CELF2: variants seen among roughly 807,000 people sequenced by gnomAD.
CELF2 encodes CUG triplet repeat RNA-binding protein 2.
CELF2 carries 8 observed loss-of-function variants against 62.6 expected under a neutral mutation model. The observed-to-expected ratio is 0.13, with a 90% CI of 0.07 to 0.23. The LOEUF (loss-of-function observed/expected upper bound fraction) is 0.23, where lower values mean the gene tolerates loss of function less well. Among genes scored for constraint, CELF2 ranks in the 10% least tolerant of loss-of-function variants. The pLI is 1.00. For synonymous variants in CELF2, 258 were observed against 250.0 expected (o/e 1.03, Z -0.30); for missense variants, 333 against 671.0 (o/e 0.50, Z 5.56).
intron 1 of CELF2, among the ~76,000 whole-genome samples, chr10:11,035,337 A>C (rs776866070): frequency 6.6e-6 from 1 of 152,216 alleles, no homozygotes; most frequent in Non-Finnish European, 1.5e-5. Context: ...ATGTCTCTCT[A>C]CACCCTTCCC....
Position 11,242,490 on chromosome 10 carries a change from C to A in CELF2, c.355-6663C>A, listed in dbSNP as rs971178659. Among the ~76,000 whole-genome samples the A allele has an allele frequency of 3.9e-5, 6 of 152,122 alleles. No individual in the cohort carries two copies. The highest frequency in any genetic ancestry group is 1.4e-4 in the African/African-American group (6 of 41,410). ...CCCCACGAGGTTGTGTCCATAGTGGCGACTCTGGAGAGTATAGCTGCTGGG... is the reference window on the plus strand; with the variant it reads ...CCCCACGAGGTTGTGTCCATAGTGGAGACTCTGGAGAGTATAGCTGCTGGG... On this transcript the variant is annotated intron_variant, in intron 3 of 12. Coordinates refer to ENST00000633077, the MANE Select transcript of CELF2 (RefSeq NM_001326342.2). This position sits in a 1 kb window ranked among gnomAD's most constrained non-coding sequence, Gnocchi z 4.8.
intron 2 of CELF2, among the ~76,000 whole-genome samples, chr10:10,996,214 A>G (rs1395683577): frequency 6.6e-6 from 1 of 152,218 alleles, no homozygotes; most frequent in African/African-American, 2.4e-5. Context: ...TGGAAGCATA[A>G]GAGCTTGTTC....
intron 2 of CELF2, among the ~76,000 whole-genome samples, chr10:10,930,715 C>T (rs1229970991): frequency 6.6e-6 from 1 of 152,200 alleles, no homozygotes; most frequent in Non-Finnish European, 1.5e-5. Flanking sequence ...GTAAAAGTTG[C>T]TCGTCCCTTG....
At chr10:11,162,388 T>C (rs1277459567) in intron 1 of CELF2, among the ~76,000 whole-genome samples, 1 of 152,104 alleles carries the variant, frequency 6.6e-6, no homozygotes, top group Non-Finnish European at 1.5e-5. Context: ...GTGGACATCA[T>C]TGGATTTACT....
chr10:10,855,725 G>A (rs1186644584), intron 1 of CELF2, among the ~76,000 whole-genome samples: 1 of 152,182 alleles, frequency 6.6e-6, no homozygotes, highest in African/African-American at 2.4e-5. Flanking sequence ...GGAATACGAG[G>A]ATCCTTGGAG....
the CELF2 span, among the ~76,000 whole-genome samples, chr10:10,642,100 G>A: frequency 6.6e-6 from 1 of 152,190 alleles, no homozygotes; most frequent in Admixed American, 6.5e-5. Flanking sequence ...CATCATGGGG[G>A]AAAGGAAGAC....
chr10:10,525,924 C>G, the CELF2 span, among the ~76,000 whole-genome samples: 3 of 152,116 alleles, frequency 2.0e-5, no homozygotes, highest in African/African-American at 7.2e-5. Context: ...AATGGCTGTA[C>G]TAGTTTACAT....
chr10:11,105,329 T>C (rs1407847763), intron 1 of CELF2: 3 of 152,214 alleles, frequency 2.0e-5, no homozygotes, highest in Admixed American at 6.5e-5. Flanking sequence ...TCAGTTTGTT[T>C]AGTTTCCTCA....
At chr10:10,626,750 T>C in the CELF2 span, among the ~76,000 whole-genome samples, 70 of 152,240 alleles carry the variant, frequency 4.6e-4, no homozygotes, top group South Asian at 4.1e-4. Flanking sequence ...TTCAACGTGC[T>C]TGCTTCTGTG....
the CELF2 span, among the ~76,000 whole-genome samples, chr10:10,491,342 T>C: frequency 1.3e-5 from 2 of 152,238 alleles, no homozygotes; most frequent in Non-Finnish European, 2.9e-5. Flanking sequence ...AGCATATCCA[T>C]TCTAAAATAT....
At chr10:11,273,114 AAC>A (rs1276392628) in intron 7 of CELF2, among the ~76,000 whole-genome samples, 1 of 152,098 alleles carries the variant, frequency 6.6e-6, no homozygotes, top group Non-Finnish European at 1.5e-5. Flanking sequence ...GGGATGACTG[AAC>A]ACAGACTTTT....
chr10:10,977,410 G>T, intron 2 of CELF2, among the ~76,000 whole-genome samples: 1 of 152,130 alleles, frequency 6.6e-6, no homozygotes, highest in East Asian at 1.9e-4. Flanking sequence ...CAGACACATT[G>T]TTGACATCTG....
chr10:10,850,151 A>C (rs2059294374), intron 1 of CELF2, among the ~76,000 whole-genome samples: 1 of 152,182 alleles, frequency 6.6e-6, no homozygotes, highest in African/African-American at 2.4e-5. Flanking sequence ...TCCATCTCAA[A>C]AATAAAAAAA....
chr10:10,566,097 A>G, the CELF2 span, among the ~76,000 whole-genome samples: 8 of 152,290 alleles, frequency 5.3e-5, no homozygotes, highest in South Asian at 1.7e-3. Flanking sequence ...TTTATCCAAC[A>G]CGTGAGGACA....
At chr10:10,683,929 C>T in the CELF2 span, among the ~76,000 whole-genome samples, 1 of 152,272 alleles carries the variant, frequency 6.6e-6, no homozygotes, top group East Asian at 1.9e-4. Flanking sequence ...TTTCTATTCT[C>T]CTTTTTCCTC....
At chr10:10,679,725 A>G in the CELF2 span, among the ~76,000 whole-genome samples, 1 of 152,180 alleles carries the variant, frequency 6.6e-6, no homozygotes, top group Non-Finnish European at 1.5e-5. Context: ...TCAAAATAAA[A>G]CTGTTACTTA....
At chr10:10,881,733 G>A (rs549943130) in intron 1 of CELF2, among the ~76,000 whole-genome samples, 65 of 135,608 alleles carry the variant, frequency 4.8e-4, no homozygotes, top group East Asian at 1.4e-3. Flanking sequence ...GAGTCCACCC[G>A]GTGCTGCTAG....
the CELF2 span, among the ~76,000 whole-genome samples, chr10:10,742,234 C>T: frequency 1.1e-4 from 16 of 152,214 alleles, no homozygotes; most frequent in African/African-American, 3.9e-4. Context: ...AACCATGTTT[C>T]ACATAAAGTC....
chr10:11,024,779 A>T (rs981378104), intron 1 of CELF2, among the ~76,000 whole-genome samples: 4 of 152,182 alleles, frequency 2.6e-5, no homozygotes, highest in African/African-American at 9.7e-5. Flanking sequence ...AAGATTTCCT[A>T]CTTTCACAGA....
Sources: allele counts gnomAD v4.1 joint callset (sites outside exome capture counted in the v4.1 genomes callset), GRCh38; gene constraint gnomAD v4.1.1; non-coding constraint Gnocchi (gnomAD v3.1); transcripts MANE v1.5; gene names NCBI Gene and HGNC (gene_info 2026-07-23, HGNC 2026-07-21).